Variants in EEF1B2 observed in about 807,000 individuals in gnomAD.
EEF1B2 encodes eukaryotic translation elongation factor 1 beta 2, also known as elongation factor 1-beta.
A neutral mutation model predicts 28.3 loss-of-function variants in EEF1B2; 12 were observed. That is an observed-to-expected ratio of 0.42 (90% confidence interval 0.27 to 0.69). The LOEUF is 0.69. EEF1B2 is among the 30% of genes least tolerant of loss of function. The pLI, the probability that EEF1B2 is intolerant of heterozygous loss-of-function variation, is 0.22. For missense variants in EEF1B2, 234 were observed against 272.6 expected (o/e 0.86, Z 1.00); for synonymous variants, 83 against 99.9 (o/e 0.83, Z 1.01).
intron 2 of EEF1B2, chr2:206,161,140 T>C (rs1301694023): frequency 1.1e-5 from 7 of 627,882 alleles, no homozygotes; most frequent in Non-Finnish European, 1.9e-5. Context: ...ATAGTGAGTA[T>C]TGAAAATAAT....
chr2:206,162,110 T>C lies in EEF1B2; in HGVS notation c.397+6T>C. ...TGAATCAAAGAAAGCCAAAAGTAGGTCATTTGTTTTTAACTTCATTTCATG... is the reference window on the plus strand; with the variant it reads ...TGAATCAAAGAAAGCCAAAAGTAGGCCATTTGTTTTTAACTTCATTTCATG... On this transcript the variant is annotated splice_donor_region_variant and intron_variant, in intron 4 of 5. Transcript: ENST00000392222. 1.2e-6 allele frequency: 2 copies of C among 1,613,114 alleles called. No homozygotes were observed. The highest frequency in any genetic ancestry group is 8.5e-7 in the Non-Finnish European group (1 of 1,179,320).
intron 2 of EEF1B2, 167 bp downstream of exon 2, chr2:206,160,877 C>G: frequency 2.9e-6 from 3 of 1,029,302 alleles, no homozygotes; most frequent in East Asian, 2.6e-5. Flanking sequence ...TCCATTTTTT[C>G]ACAGAACAGG....
rs373546714 is a variant in EEF1B2 at position 206,160,087 on chromosome 2, C to T, written c.80+28C>T. 13 of 1,604,036 alleles carry T rather than the reference C, an allele frequency of 8.1e-6. No homozygotes were observed. In the South Asian group the frequency reaches 1.3e-4, roughly 16 times the overall value. ...GAGCGGACGGGCTGAGTCGGGGTGG[C>T]GGGGAGGTTTCTCCGCCCGGGGCCG... On this transcript the variant is annotated intron_variant, in intron 1 of 5. Coordinates refer to ENST00000392222, the MANE Select transcript of EEF1B2 (RefSeq NM_001959.4).
At position 206,160,720 on chromosome 2, in the gene EEF1B2, T is replaced by C. The variant is rs11689362; in HGVS notation, c.203+10T>C. On this transcript the variant is annotated intron_variant, in intron 2 of 5. Transcript: ENST00000392222. ...AAAAGGAAAAGGCCAGGTAAAATCA[T>C]CTTTGTATAGAGCTGAAGAATAAGA... 0.44 allele frequency: 714,026 copies of C among 1,613,668 alleles called. 162,262 individuals carry two copies. The highest frequency in any genetic ancestry group is 0.65 in the African/African-American group (48,667 of 74,922).
At chr2:206,160,411 G>A (rs1419773105) in intron 1 of EEF1B2, 177 bp from the exon 2 acceptor site, 1 of 1,129,136 alleles carries the variant, frequency 8.9e-7, no homozygotes, top group African/African-American at 1.6e-5. Flanking sequence ...TCTCAGGATA[G>A]CGCGGTGACC....
chr2:206,160,930 C>A, intron 2 of EEF1B2: 1 of 776,306 alleles, frequency 1.3e-6, no homozygotes, highest in Non-Finnish European at 2.2e-6. Context: ...CCACACTGCC[C>A]TGCCAATGTG....
At chr2:206,159,858 C>G, upstream of EEF1B2, 1 of 1,128,872 alleles carries the variant, frequency 8.9e-7, no homozygotes, top group South Asian at 1.6e-5. Flanking sequence ...GGAAACGCCT[C>G]CGTCTCTATA....
rs777715702 is a variant in EEF1B2, at chr2:206,162,808, T to A, written c.603T>A (p.Asp201Glu). Reference protein sequence around the residue: ...CVVEDDKVGTDMLEEQITAFE... With the variant: ...CVVEDDKVGTEMLEEQITAFE... ...TTGAAGATGATAAAGTTGGAACAGA[T>A]ATGCTGGAGGAGCAGATCACTGCTT... Residue 201 changes from aspartate (D) to glutamate (E), a missense_variant, in exon 6 of 6, where the codon GAT becomes GAA. Asp to Glu is a conservative substitution (Grantham distance 45). Transcript: ENST00000392222. The A allele has an allele frequency of 3.1e-6, 5 of 1,607,976 alleles. No individual in the cohort carries two copies. In the East Asian group the frequency reaches 1.1e-4, roughly 36 times the overall value.
chr2:206,159,756 G>A, upstream of EEF1B2: 1 of 507,796 alleles, frequency 2.0e-6, no homozygotes, highest in South Asian at 2.9e-5. Flanking sequence ...GACAATTTGT[G>A]GGCCATTTAA....
intron 2 of EEF1B2, 28 bp downstream of exon 2, chr2:206,160,738 G>C: frequency 6.2e-7 from 1 of 1,613,870 alleles, no homozygotes; most frequent in Non-Finnish European, 8.5e-7. Context: ...TAGAGCTGAA[G>C]AATAAGACTG....
At chr2:206,161,729 C>G (rs1473534017) in intron 3 of EEF1B2, 4 of 534,422 alleles carry the variant, frequency 7.5e-6, no homozygotes, top group African/African-American at 3.9e-5. Context: ...AAGATCGTGC[C>G]ACTGCATCCA....
intron 1 of EEF1B2, 32 bp from the exon 2 acceptor site, chr2:206,160,556 G>C (rs962251073): frequency 6.8e-6 from 11 of 1,613,384 alleles, no homozygotes; most frequent in Non-Finnish European, 9.3e-6. Context: ...GTTTTTCAAA[G>C]GTGTGTGTGA....
intron 1 of EEF1B2, 21 bp downstream of exon 1, chr2:206,160,080 G>C: frequency 6.2e-7 from 1 of 1,607,626 alleles, no homozygotes. Flanking sequence ...GGGCTGAGTC[G>C]GGGTGGCGGG....
chr2:206,162,422 TTG>T, intron 4 of EEF1B2, 65 bp from the exon 5 acceptor site: 6 of 1,607,260 alleles, frequency 3.7e-6, no homozygotes, highest in Non-Finnish European at 5.1e-6. Context: ...ATGGATTTGT[TTG>T]TGTCTTGGAG....
intron 3 of EEF1B2, 177 bp from the exon 4 acceptor site, chr2:206,161,861 C>G (rs749004886): frequency 1.3e-6 from 1 of 762,034 alleles, no homozygotes; most frequent in South Asian, 1.4e-5. Flanking sequence ...AATTTATATG[C>G]CTTTTTCAAA....
At chr2:206,160,884 C>A in intron 2 of EEF1B2, 174 bp downstream of exon 2, 1 of 975,004 alleles carries the variant, frequency 1.0e-6, no homozygotes, top group Non-Finnish European at 1.6e-6. Context: ...TTTCACAGAA[C>A]AGGTAGAACA....
upstream of EEF1B2, chr2:206,159,866 A>G (rs1687846098): frequency 8.9e-6 from 11 of 1,232,898 alleles, no homozygotes; most frequent in African/African-American, 1.6e-5. Flanking sequence ...CTCCGTCTCT[A>G]TATAAGGAAT....
chr2:206,161,691 AC>A, intron 3 of EEF1B2: 1 of 558,734 alleles, frequency 1.8e-6, no homozygotes, highest in East Asian at 3.5e-5. Flanking sequence ...AATTGCTTGA[AC>A]CTAGGAAGCG....
rs770194410 is a variant in EEF1B2 at position 206,159,972 on chromosome 2, C to T, written c.-8C>T. 1.9e-6 allele frequency: 3 copies of T among 1,611,232 alleles called. No homozygotes were observed. The highest frequency in any genetic ancestry group is 2.7e-5 in the African/African-American group (2 of 74,686). On this transcript the variant is annotated 5_prime_UTR_variant, in exon 1 of 6. Coordinates refer to ENST00000392222, the MANE Select transcript of EEF1B2 (RefSeq NM_001959.4). ...GCTGCTCCCCAGCTCTCGGATACAG[C>T]CGACACCATGGGTTTCGGAGACCTG...
Sources: gnomAD v4.1 joint callset for allele counts on GRCh38, gnomAD v4.1.1 for gene constraint, MANE v1.5 for transcripts, NCBI Gene and HGNC (gene_info 2026-07-23, HGNC 2026-07-21) for gene names.